ACBD6: variants seen among roughly 807,000 people sequenced by gnomAD.
The protein encoded by ACBD6 is acyl-CoA-binding domain-containing protein 6.
ACBD6 carries 28 observed loss-of-function variants against 37.2 expected under a neutral mutation model. That is an observed-to-expected ratio of 0.75 (90% CI 0.56 to 1.03). The LOEUF (loss-of-function observed/expected upper bound fraction) is 1.03, where lower values mean the gene tolerates loss of function less well. ACBD6 is among the 50% of genes least tolerant of loss of function. ACBD6 has a pLI of 0.00. For synonymous variants in ACBD6, 113 were observed against 126.8 expected, an observed-to-expected ratio of 0.89 and a Z score of 0.73; for missense variants, 340 against 337.4, an observed-to-expected ratio of 1.01 and a Z score of -0.06.
At chr1:180,355,872 AT>A (rs34079820) in intron 6 of ACBD6, among the ~76,000 whole-genome samples, 72,991 of 147,784 alleles carry the variant, frequency 0.49, 19,912 homozygotes, top group South Asian at 0.65. Context: ...TATTGCTATA[AT>A]TTTTTTTTTT....
chr1:180,481,384 T>G (rs903260180), intron 3 of ACBD6, among the ~76,000 whole-genome samples: 2 of 152,182 alleles, frequency 1.3e-5, no homozygotes, highest in Non-Finnish European at 2.9e-5. Flanking sequence ...GACACAGTTT[T>G]GAAAATCATC....
chr1:180,468,611 G>T (rs1650443464), intron 3 of ACBD6, among the ~76,000 whole-genome samples: 1 of 152,078 alleles, frequency 6.6e-6, no homozygotes, highest in Non-Finnish European at 1.5e-5. Context: ...ATTGGCATTT[G>T]TTATTTCTCC....
intron 3 of ACBD6, among the ~76,000 whole-genome samples, chr1:180,455,039 T>A (rs1202104820): frequency 6.6e-6 from 1 of 152,196 alleles, no homozygotes; most frequent in African/African-American, 2.4e-5. Context: ...CAAAGGAGTA[T>A]AAATCATGCT....
intron 6 of ACBD6, among the ~76,000 whole-genome samples, chr1:180,316,566 A>G (rs1445917071): frequency 6.6e-6 from 1 of 152,180 alleles, no homozygotes; most frequent in Non-Finnish European, 1.5e-5. Flanking sequence ...ATGTTTAATC[A>G]CTGTGTTCAT....
chr1:180,297,212 G>A lies in ACBD6; in HGVS notation c.695-8695C>T, dbSNP rs77307873. Among the ~76,000 whole-genome samples, 824 of 152,202 alleles carry A rather than the reference G, an allele frequency of 5.4e-3. 8 individuals carry two copies. The highest frequency in any genetic ancestry group is 0.019 in the African/African-American group (779 of 41,524). On this transcript the variant is annotated intron_variant, in intron 7 of 7. Transcript: ENST00000367595. Reference sequence around the variant, plus strand: ...GGTACTTCCAGCTCAGGGCTTCACGGCTATGTGCTGTGAAGTGTGCACAGA... The same window carrying A: ...GGTACTTCCAGCTCAGGGCTTCACGACTATGTGCTGTGAAGTGTGCACAGA...
chr1:180,271,957 G>A (rs552368405), exon 14 of ACBD6: 3 of 1,613,322 alleles, frequency 1.9e-6, no homozygotes, highest in Admixed American at 1.7e-5. Context: ...AGGAGAAGGA[G>A]AGCTCTGCAG....
chr1:180,473,992 T>G (rs1650677214), intron 3 of ACBD6, among the ~76,000 whole-genome samples: 1 of 152,192 alleles, frequency 6.6e-6, no homozygotes, highest in South Asian at 2.1e-4. Context: ...ATAGTCAATC[T>G]TATACATAAT....
intron 2 of ACBD6, among the ~76,000 whole-genome samples, chr1:180,495,089 C>T (rs888000043): frequency 4.6e-5 from 7 of 152,288 alleles, no homozygotes; most frequent in Non-Finnish European, 2.9e-5. Flanking sequence ...GGGATTTATC[C>T]TGCTCTTCTG....
downstream of ACBD6, among the ~76,000 whole-genome samples, chr1:180,283,929 C>A (rs1392898297): frequency 1.3e-5 from 2 of 151,816 alleles, no homozygotes; most frequent in East Asian, 1.9e-4. Flanking sequence ...TTAAAAAAAA[C>A]ACCCAAAAAA....
At chr1:180,494,329 A>G (rs1231374236) in intron 2 of ACBD6, among the ~76,000 whole-genome samples, 1 of 152,222 alleles carries the variant, frequency 6.6e-6, no homozygotes, top group African/African-American at 2.4e-5. Context: ...AAATAAAGGT[A>G]TAAAATTTCA....
intron 7 of ACBD6, among the ~76,000 whole-genome samples, chr1:180,310,592 T>C (rs564874885): frequency 8.0e-4 from 122 of 152,294 alleles, no homozygotes; most frequent in African/African-American, 2.7e-3. Context: ...ATAAAACAAG[T>C]TGTTGACTAC....
chr1:180,411,594 G>GGTAT (rs1647858348), intron 5 of ACBD6, among the ~76,000 whole-genome samples: 1 of 152,104 alleles, frequency 6.6e-6, no homozygotes, highest in South Asian at 2.1e-4. Context: ...TTTAAATTAA[G>GGTAT]GTATGTACTT....
intron 7 of ACBD6, among the ~76,000 whole-genome samples, chr1:180,294,919 G>A (rs1026362334): frequency 1.3e-5 from 2 of 151,858 alleles, no homozygotes; most frequent in Non-Finnish European, 2.9e-5. Context: ...GCTGGGTCTC[G>A]AACTCTTAGT....
intron 6 of ACBD6, among the ~76,000 whole-genome samples, chr1:180,344,689 C>T (rs1652109915): frequency 6.6e-6 from 1 of 152,148 alleles, no homozygotes; most frequent in African/African-American, 2.4e-5. Context: ...TATGTAAACA[C>T]TATTATTCCC....
At chr1:180,314,583 C>T (rs1211204080) in intron 7 of ACBD6, 109 bp downstream of exon 7, 5 of 901,358 alleles carry the variant, frequency 5.5e-6, no homozygotes, top group Non-Finnish European at 8.8e-6. Flanking sequence ...TGTATCTCTG[C>T]TAGCTGCCAG....
At chr1:180,497,664 A>G (rs1438826730) in intron 1 of ACBD6, among the ~76,000 whole-genome samples, 5 of 152,218 alleles carry the variant, frequency 3.3e-5, no homozygotes, top group African/African-American at 1.2e-4. Context: ...CAAAATAACT[A>G]CATATTCTAA....
chr1:180,374,582 C>A (rs1558271614), intron 6 of ACBD6, among the ~76,000 whole-genome samples: 3 of 151,528 alleles, frequency 2.0e-5, no homozygotes, highest in East Asian at 2.0e-4. Context: ...TGTTTTCACA[C>A]CTGACCTGCC....
At chr1:180,348,913 C>T (rs543112894) in intron 6 of ACBD6, among the ~76,000 whole-genome samples, 1 of 152,204 alleles carries the variant, frequency 6.6e-6, no homozygotes, top group Non-Finnish European at 1.5e-5. Flanking sequence ...TTTCTTTTTG[C>T]TCTTATAATT....
intron 7 of ACBD6, among the ~76,000 whole-genome samples, chr1:180,295,126 C>T (rs1381319877): frequency 6.6e-6 from 1 of 152,146 alleles, no homozygotes. Context: ...GATTTCTGCT[C>T]CGATCTTTAT....
Sources: gnomAD v4.1 joint callset for allele counts (sites outside exome capture counted in the v4.1 genomes callset) on GRCh38, gnomAD v4.1.1 for gene constraint, MANE v1.5 for transcripts, NCBI Gene and HGNC (gene_info 2026-07-23, HGNC 2026-07-21) for gene names.